TLN2: variants seen among roughly 807,000 people sequenced by gnomAD.
TLN2 encodes talin 2, also known as talin-2.
A neutral mutation model predicts 294.7 loss-of-function variants in TLN2; 118 were observed. The ratio of observed to expected loss-of-function variants is 0.40; its 90% CI spans 0.34 to 0.47. The LOEUF (loss-of-function observed/expected upper bound fraction) is 0.47, where lower values mean the gene tolerates loss of function less well. Ranked by LOEUF, TLN2 falls within the 20% of genes least tolerant of loss-of-function variation. The probability of loss-of-function intolerance (pLI) is 0.84; values close to 1 mark genes in which losing one functional copy is unlikely to be tolerated. For synonymous variants in TLN2, 1,431 were observed against 1,304.5 expected (o/e 1.10, Z -2.09); for missense variants, 3,083 against 3,282.2 (o/e 0.94, Z 1.48).
chr15:62,674,090 G>A (rs948684727), intron 10 of TLN2, among the ~76,000 whole-genome samples, 200 bp downstream of exon 10: 3 of 152,114 alleles, frequency 2.0e-5, no homozygotes, highest in Non-Finnish European at 4.4e-5. Context: ...TCTTGCTAAA[G>A]GTTACCTAGC....
chr15:62,534,482 C>T (rs528214600), intron 1 of TLN2, among the ~76,000 whole-genome samples: 10 of 152,294 alleles, frequency 6.6e-5, no homozygotes, highest in African/African-American at 2.2e-4. Flanking sequence ...GAGCTTGGAG[C>T]GTCCATGCCC....
chr15:62,555,532 T>C (rs1251948091), intron 1 of TLN2, among the ~76,000 whole-genome samples: 1 of 152,248 alleles, frequency 6.6e-6, no homozygotes, highest in Non-Finnish European at 1.5e-5. Context: ...GTTTTAACTG[T>C]GGCGTTTGCC....
At chr15:62,500,039 G>C (rs1164341719) in intron 1 of TLN2, among the ~76,000 whole-genome samples, 2 of 151,764 alleles carry the variant, frequency 1.3e-5, no homozygotes, top group African/African-American at 2.4e-5. Context: ...GTTTTCTCTT[G>C]TTTAAAATGA....
chr15:62,767,560 A>G (rs1021738062), intron 41 of TLN2, among the ~76,000 whole-genome samples: 1 of 152,086 alleles, frequency 6.6e-6, no homozygotes, highest in Non-Finnish European at 1.5e-5. Context: ...GCTGGTCTCA[A>G]ACTCCCAACC....
rs532523191 is a variant in TLN2, at chr15:62,504,931, A to G, written c.-237-84756A>G. On this transcript the variant is annotated intron_variant, in intron 1 of 58. Coordinates refer to ENST00000636159, the MANE Select transcript of TLN2 (RefSeq NM_015059.3). ...GCTCACTTTTTTGTTGGGTAATAAC[A>G]TTAAAAAACAGAAACATGTTTTTGT... Among the ~76,000 whole-genome samples, 24 of 151,198 alleles carry G rather than the reference A, an allele frequency of 1.6e-4. No homozygotes were observed. In the East Asian group the frequency reaches 4.4e-3, roughly 28 times the overall value.
chr15:62,600,472 C>T (rs778545097), intron 2 of TLN2, among the ~76,000 whole-genome samples: 14 of 152,044 alleles, frequency 9.2e-5, no homozygotes, highest in African/African-American at 1.9e-4. Flanking sequence ...GCAGTTGGCC[C>T]CTGTGTTTAA....
intron 1 of TLN2, among the ~76,000 whole-genome samples, chr15:62,482,689 C>T (rs1555415014): frequency 6.9e-6 from 1 of 143,994 alleles, no homozygotes; most frequent in Non-Finnish European, 1.5e-5. Flanking sequence ...AATCTTTAAA[C>T]TTTTTTTTGC....
At chr15:62,487,070 G>A (rs1328288493) in intron 1 of TLN2, among the ~76,000 whole-genome samples, 3 of 152,138 alleles carry the variant, frequency 2.0e-5, no homozygotes, top group African/African-American at 7.2e-5. Flanking sequence ...TTGCCTTGGA[G>A]TTCCTAGGAG....
At chr15:62,691,647 A>AT (rs905843544) in intron 12 of TLN2, among the ~76,000 whole-genome samples, 14 of 151,956 alleles carry the variant, frequency 9.2e-5, no homozygotes, top group Admixed American at 6.6e-4. Context: ...ATGAATATTT[A>AT]TTTTTTTAAG....
At chr15:62,638,242 C>G in intron 3 of TLN2, 1 of 320,372 alleles carries the variant, frequency 3.1e-6, no homozygotes, top group Non-Finnish European at 6.1e-6. Context: ...ACTACCCCTT[C>G]CTCAGCAGAA....
intron 1 of TLN2, among the ~76,000 whole-genome samples, chr15:62,431,804 A>G (rs1262155762): frequency 6.6e-6 from 1 of 152,226 alleles, no homozygotes; most frequent in Non-Finnish European, 1.5e-5. Context: ...AAGACCAGAA[A>G]CCCATGTATA....
chr15:62,706,939 G>T, intron 19 of TLN2, 147 bp from the exon 20 acceptor site: 1 of 919,108 alleles, frequency 1.1e-6, no homozygotes, highest in Non-Finnish European at 1.6e-6. Flanking sequence ...TACTTCTAAG[G>T]ATAAGTTGAC....
At chr15:62,418,952 G>A (rs1221567711) in intron 1 of TLN2, among the ~76,000 whole-genome samples, 1 of 152,200 alleles carries the variant, frequency 6.6e-6, no homozygotes, top group African/African-American at 2.4e-5. Flanking sequence ...GGATATGATG[G>A]CTTAGCTTGG....
intron 1 of TLN2, among the ~76,000 whole-genome samples, chr15:62,466,235 G>C (rs891400420): frequency 3.3e-5 from 5 of 152,212 alleles, no homozygotes; most frequent in Non-Finnish European, 7.3e-5. Context: ...CAATGAACCA[G>C]AGACCCAGGA....
chr15:62,639,562 C>G (rs948794605), intron 3 of TLN2, among the ~76,000 whole-genome samples: 8 of 152,220 alleles, frequency 5.3e-5, no homozygotes, highest in Admixed American at 2.6e-4. Flanking sequence ...TAAATGTTCT[C>G]TCTTGTTTTC....
At chr15:62,428,568 C>G (rs1035688498) in intron 1 of TLN2, among the ~76,000 whole-genome samples, 4 of 152,208 alleles carry the variant, frequency 2.6e-5, no homozygotes, top group African/African-American at 9.6e-5. Context: ...CCCGGTGTGT[C>G]TGGAGTGGGT....
chr15:62,640,158 A>G, intron 3 of TLN2: 1 of 455,608 alleles, frequency 2.2e-6, no homozygotes, highest in Non-Finnish European at 4.4e-6. Flanking sequence ...GTGGGTTCTT[A>G]CCTGCAGAGG....
chr15:62,673,072 TTGTGTGTG>T (rs60589441), intron 9 of TLN2, among the ~76,000 whole-genome samples: 3,474 of 144,894 alleles, frequency 0.024, 69 homozygotes, highest in South Asian at 0.053. Flanking sequence ...CCTAATTTAA[TTGTGTGTG>T]TGTGTGTGTG....
At chr15:62,445,237 T>A (rs181260556) in intron 1 of TLN2, among the ~76,000 whole-genome samples, 1 of 152,210 alleles carries the variant, frequency 6.6e-6, no homozygotes, top group Non-Finnish European at 1.5e-5. Context: ...TGCCAGTGGA[T>A]AGGAATCACC....
Sources: allele counts gnomAD v4.1 joint callset (sites outside exome capture counted in the v4.1 genomes callset), GRCh38; gene constraint gnomAD v4.1.1; transcripts MANE v1.5; gene names NCBI Gene and HGNC (gene_info 2026-07-23, HGNC 2026-07-21).